ANK2: variants seen among roughly 807,000 people sequenced by gnomAD.
ANK2 encodes the protein ankyrin-2.
In ANK2, 83 loss-of-function variants were observed where a neutral mutation model predicts 360.5. The ratio of observed to expected loss-of-function variants is 0.23; its 90% CI spans 0.19 to 0.28. ANK2 has a LOEUF of 0.28. Among genes scored for constraint, ANK2 ranks in the 10% least tolerant of loss-of-function variants. The probability of loss-of-function intolerance (pLI) is 1.00; values close to 1 mark genes in which losing one functional copy is unlikely to be tolerated. For missense variants in ANK2, 4,201 were observed against 4,795.7 expected (o/e 0.88, Z 3.66); for synonymous variants, 1,740 against 1,759.5 (o/e 0.99, Z 0.28).
At chr4:113,166,947 GAAC>G (rs1362839437) in intron 1 of ANK2, among the ~76,000 whole-genome samples, 2 of 151,982 alleles carry the variant, frequency 1.3e-5, no homozygotes, top group African/African-American at 4.8e-5. Context: ...ATGAATATCA[GAAC>G]AACTAATAAA....
At chr4:112,736,483 A>G in the ANK2 span, among the ~76,000 whole-genome samples, 1 of 148,790 alleles carries the variant, frequency 6.7e-6, no homozygotes, top group Non-Finnish European at 1.5e-5. Flanking sequence ...AAAAAAAAAT[A>G]GAACCATAAA....
chr4:113,063,724 A>G (rs1312702129), intron 1 of ANK2, among the ~76,000 whole-genome samples: 1 of 152,186 alleles, frequency 6.6e-6, no homozygotes, highest in Non-Finnish European at 1.5e-5. Context: ...TCATACAAAT[A>G]CATTTTTAAA....
At chr4:113,263,219 G>A (rs1182324901) in intron 13 of ANK2, among the ~76,000 whole-genome samples, 1 of 148,404 alleles carries the variant, frequency 6.7e-6, no homozygotes, top group Non-Finnish European at 1.5e-5. Flanking sequence ...GAAGATCTTA[G>A]CCTCATCTAT....
intron 1 of ANK2, among the ~76,000 whole-genome samples, chr4:113,058,439 A>G (rs967357497): frequency 7.2e-5 from 11 of 152,116 alleles, no homozygotes; most frequent in South Asian, 2.1e-4. Flanking sequence ...TATGTGGCCA[A>G]TTGAGCCCAG....
At chr4:113,238,155 T>A (rs2099398497) in intron 7 of ANK2, among the ~76,000 whole-genome samples, 1 of 152,220 alleles carries the variant, frequency 6.6e-6, no homozygotes, top group Non-Finnish European at 1.5e-5. Flanking sequence ...TGTCATGGAA[T>A]TGTATATTTT....
chr4:113,263,829 C>G (rs1191706835), intron 13 of ANK2, among the ~76,000 whole-genome samples: 2 of 152,152 alleles, frequency 1.3e-5, no homozygotes, highest in African/African-American at 4.8e-5. Context: ...GTGAATGAAA[C>G]CCTGCCTTCT....
At chr4:112,921,655 A>T (rs1409163743) in intron 2 of ANK2, among the ~76,000 whole-genome samples, 4 of 150,734 alleles carry the variant, frequency 2.7e-5, no homozygotes, top group Non-Finnish European at 4.4e-5. Context: ...TTTTTTCAAA[A>T]CTTCAAGGGA....
At chr4:112,716,824 A>G in the ANK2 span, among the ~76,000 whole-genome samples, 2 of 152,204 alleles carry the variant, frequency 1.3e-5, no homozygotes, top group Non-Finnish European at 2.9e-5. Flanking sequence ...TTATAGATGG[A>G]TATGTGGGAA....
At chr4:113,038,967 C>T (rs555965335) in intron 2 of ANK2, among the ~76,000 whole-genome samples, 1 of 152,128 alleles carries the variant, frequency 6.6e-6, no homozygotes, top group South Asian at 2.1e-4. Context: ...CTTCCTTAAT[C>T]CCCGACTCAC....
chr4:113,196,130 TTGAAA>T (rs1396391189), intron 2 of ANK2, among the ~76,000 whole-genome samples: 2 of 152,250 alleles, frequency 1.3e-5, no homozygotes, highest in Admixed American at 6.5e-5. Context: ...AAAAAAACTG[TTGAAA>T]TGAAGTTGCC....
the ANK2 span, among the ~76,000 whole-genome samples, chr4:112,805,350 C>T: frequency 3.3e-5 from 5 of 152,220 alleles, no homozygotes; most frequent in South Asian, 2.1e-4. Context: ...GAAGTATTTG[C>T]GGCAGTTGTT....
rs764245592 is a variant in ANK2 at position 113,355,440 on chromosome 4, T to C, written c.6822T>C (p.Arg2274=). 1 of 1,613,732 alleles carries C rather than the reference T, an allele frequency of 6.2e-7. No individual in the cohort carries two copies. Among genetic ancestry groups the C allele is most frequent in the East Asian group, 2.2e-5 (1 of 44,846 alleles). Residue 2274 remains arginine, a synonymous_variant, in exon 38 of 46, where the codon CGT becomes CGC. Coordinates refer to ENST00000357077, the MANE Select transcript of ANK2 (RefSeq NM_001148.6). ...STKTETTTEI[R]SEKEHPTTKD... ...AGACAGAAACCACCACAGAAATTCG[T>C]TCAGAAAAAGAGCATCCCACGACCA...
chr4:112,847,727 A>C (rs1046766862), intron 1 of ANK2, among the ~76,000 whole-genome samples: 1 of 152,206 alleles, frequency 6.6e-6, no homozygotes, highest in African/African-American at 2.4e-5. Flanking sequence ...TATATAAAAA[A>C]ATAAATAAAT....
chr4:113,105,248 G>C (rs955112644), intron 1 of ANK2, among the ~76,000 whole-genome samples: 28 of 152,132 alleles, frequency 1.8e-4, no homozygotes, highest in African/African-American at 6.5e-4. Context: ...TCTGAACCGA[G>C]ATGCAAAAGT....
intron 1 of ANK2, among the ~76,000 whole-genome samples, chr4:113,099,844 A>T (rs900561697): frequency 2.0e-5 from 3 of 152,030 alleles, no homozygotes; most frequent in African/African-American, 7.2e-5. Context: ...CTGATTTTTG[A>T]CCAAGATAAA....
At chr4:113,155,228 T>G in intron 1 of ANK2, among the ~76,000 whole-genome samples, 1 of 152,160 alleles carries the variant, frequency 6.6e-6, no homozygotes, top group Non-Finnish European at 1.5e-5. Context: ...TGCCTACTAT[T>G]CCAATACACT....
chr4:113,177,229 C>T lies in ANK2; in HGVS notation c.186+2712C>T, dbSNP rs367917660. On this transcript the variant is annotated intron_variant, in intron 2 of 45. Coordinates refer to ENST00000357077, the MANE Select transcript of ANK2 (RefSeq NM_001148.6). The stretch of plus-strand genomic sequence containing the variant: ...CCGAGTAGCTGGGACTACAGGCGCC[C>T]GCCACCACGCCCGGCTAATTTTTTG... Among the ~76,000 whole-genome samples the T allele has an allele frequency of 5.3e-4, 81 of 152,092 alleles. No homozygotes were observed. The South Asian group carries it at 0.012, about 22-fold the overall frequency.
At chr4:113,318,732 C>A in intron 26 of ANK2, 112 bp downstream of exon 26, 1 of 877,916 alleles carries the variant, frequency 1.1e-6, no homozygotes, top group Non-Finnish European at 1.8e-6. Flanking sequence ...GTGGAGGTGC[C>A]CTTTGTTTAA....
intron 1 of ANK2, among the ~76,000 whole-genome samples, chr4:112,824,136 C>CATCT (rs35729539): frequency 0.19 from 27,869 of 147,914 alleles, 2,690 homozygotes; most frequent in East Asian, 0.33. Context: ...AGGTCTTCAG[C>CATCT]ATCTATCTAT....
Sources: gnomAD v4.1 joint callset for allele counts (sites outside exome capture counted in the v4.1 genomes callset) on GRCh38, gnomAD v4.1.1 for gene constraint, MANE v1.5 for transcripts, NCBI Gene and HGNC (gene_info 2026-07-23, HGNC 2026-07-21) for gene names.